Variants in SEMA3A observed in about 807,000 individuals in gnomAD.
SEMA3A encodes semaphorin 3A, also known as semaphorin-3A.
SEMA3A carries 29 observed loss-of-function variants against 97.9 expected under a neutral mutation model. That is an observed-to-expected ratio of 0.30 (90% confidence interval 0.22 to 0.40). SEMA3A has a LOEUF of 0.40. Ranked by LOEUF, SEMA3A falls within the 10% of genes least tolerant of loss-of-function variation. The probability of loss-of-function intolerance (pLI) is 1.00; values close to 1 mark genes in which losing one functional copy is unlikely to be tolerated. For synonymous variants in SEMA3A, 321 were observed against 323.7 expected, an observed-to-expected ratio of 0.99 and a Z score of 0.09; for missense variants, 763 against 951.3, an observed-to-expected ratio of 0.80 and a Z score of 2.60.
At chr7:84,218,199 T>C (rs1798793418) in intron 3 of SEMA3A, among the ~76,000 whole-genome samples, 1 of 152,122 alleles carries the variant, frequency 6.6e-6, no homozygotes, top group Non-Finnish European at 1.5e-5. Flanking sequence ...AAATTTGAAA[T>C]ATTTTTGGTA....
At chr7:84,213,629 T>A (rs1798682626) in intron 3 of SEMA3A, among the ~76,000 whole-genome samples, 1 of 152,156 alleles carries the variant, frequency 6.6e-6, no homozygotes, top group Admixed American at 6.5e-5. Context: ...CATGCAAACA[T>A]TGGCATAATA....
At chr7:84,001,768 C>A (rs2116386949) in intron 12 of SEMA3A, among the ~76,000 whole-genome samples, 187 bp downstream of exon 12, 1 of 152,020 alleles carries the variant, frequency 6.6e-6, no homozygotes. Context: ...TTCTTTACAT[C>A]TTTAGATTTA....
At chr7:84,459,050 T>C (rs1805757842) in intron 1 of SEMA3A, among the ~76,000 whole-genome samples, 1 of 152,108 alleles carries the variant, frequency 6.6e-6, no homozygotes, top group Non-Finnish European at 1.5e-5. Flanking sequence ...GGCACTAATA[T>C]CATCACCCTC....
intron 4 of SEMA3A, among the ~76,000 whole-genome samples, chr7:84,100,028 G>A (rs1482135154): frequency 1.3e-5 from 2 of 152,008 alleles, no homozygotes; most frequent in Admixed American, 1.3e-4. Context: ...TAAACTCTAT[G>A]CACACTGGGC....
intron 15 of SEMA3A, among the ~76,000 whole-genome samples, chr7:83,970,504 G>A (rs1788870614): frequency 1.3e-5 from 2 of 152,160 alleles, no homozygotes; most frequent in African/African-American, 4.8e-5. Context: ...AGATTGAAAT[G>A]TTAATAATGC....
chr7:84,061,678 C>T (rs1013936541), intron 4 of SEMA3A, among the ~76,000 whole-genome samples: 1 of 151,834 alleles, frequency 6.6e-6, no homozygotes, highest in Non-Finnish European at 1.5e-5. Flanking sequence ...TTTAATATTT[C>T]TGATGGAACT....
intron 1 of SEMA3A, among the ~76,000 whole-genome samples, chr7:84,407,933 T>C (rs191067869): frequency 0.018 from 2,770 of 152,212 alleles, 41 homozygotes; most frequent in Non-Finnish European, 0.027. Context: ...CCTAAAACCA[T>C]AAAAACCCTA....
chr7:83,998,838 C>G (rs1019953279), intron 12 of SEMA3A, among the ~76,000 whole-genome samples: 2 of 152,070 alleles, frequency 1.3e-5, no homozygotes, highest in African/African-American at 2.4e-5. Context: ...AAAACATACA[C>G]TAGCCTAGGC....
chr7:84,064,203 A>C (rs1793382105), intron 4 of SEMA3A, among the ~76,000 whole-genome samples: 1 of 152,066 alleles, frequency 6.6e-6, no homozygotes, highest in South Asian at 2.1e-4. Context: ...AAAATACTTT[A>C]CAGACAAGCA....
At chr7:84,145,239 A>G (rs1184565381) in intron 1 of SEMA3A, among the ~76,000 whole-genome samples, 1 of 152,126 alleles carries the variant, frequency 6.6e-6, no homozygotes, top group Non-Finnish European at 1.5e-5. Context: ...TATGAAGCAT[A>G]GTGCCCTGTA....
chr7:83,979,673 C>A (rs371541022), intron 14 of SEMA3A, among the ~76,000 whole-genome samples: 1 of 151,938 alleles, frequency 6.6e-6, no homozygotes, highest in Non-Finnish European at 1.5e-5. Context: ...TACCTCAATT[C>A]TGAATGTTAA....
In SEMA3A at chr7:84,108,262, G is replaced by C. The variant is rs115241144; in HGVS notation, c.453+2208C>G. On this transcript the variant is annotated intron_variant, in intron 4 of 16. Coordinates refer to ENST00000265362, the MANE Select transcript of SEMA3A (RefSeq NM_006080.3). The stretch of plus-strand genomic sequence containing the variant: ...CAGATTAAGCAGCTAGTACCAAGCT[G>C]AGGTTGAATGCAAGTCCTGCAGTCT... Among the ~76,000 whole-genome samples the C allele has an allele frequency of 5.3e-3, 811 of 151,896 alleles. 6 individuals carry two copies. Among genetic ancestry groups the C allele is most frequent in the East Asian group, 0.017 (86 of 5,126 alleles).
intron 1 of SEMA3A, among the ~76,000 whole-genome samples, chr7:84,174,308 A>T (rs1332659726): frequency 1.3e-5 from 2 of 152,014 alleles, no homozygotes; most frequent in African/African-American, 2.4e-5. Flanking sequence ...ACAAGAAAAA[A>T]CTCTGGAAAT....
At chr7:84,277,010 G>C (rs776982835) in intron 3 of SEMA3A, among the ~76,000 whole-genome samples, 2 of 152,094 alleles carry the variant, frequency 1.3e-5, no homozygotes, top group Non-Finnish European at 2.9e-5. Flanking sequence ...TCAAATTTAT[G>C]GCTTTACATG....
intron 1 of SEMA3A, among the ~76,000 whole-genome samples, chr7:84,140,495 GT>G (rs1796264733): frequency 6.6e-6 from 1 of 152,052 alleles, no homozygotes; most frequent in Non-Finnish European, 1.5e-5. Context: ...GACCCCACCA[GT>G]TGCTGGACTC....
At chr7:84,303,275 G>T (rs1801068805) in intron 3 of SEMA3A, among the ~76,000 whole-genome samples, 1 of 152,068 alleles carries the variant, frequency 6.6e-6, no homozygotes, top group Non-Finnish European at 1.5e-5. Flanking sequence ...ACTTGACCGG[G>T]TCACTAAGGT....
intron 2 of SEMA3A, among the ~76,000 whole-genome samples, chr7:84,328,357 C>A (rs974205198): frequency 2.0e-5 from 3 of 151,874 alleles, no homozygotes; most frequent in Non-Finnish European, 4.4e-5. Flanking sequence ...CCATGTCCTA[C>A]AGAAAGTTCT....
chr7:84,047,716 G>A (rs78702998), intron 5 of SEMA3A, among the ~76,000 whole-genome samples: 20,129 of 151,826 alleles, frequency 0.13, 1,628 homozygotes, highest in East Asian at 0.38. Flanking sequence ...CTTGTTGATC[G>A]AATAGGTTAA....
chr7:83,997,076 A>C (rs1405844527), intron 12 of SEMA3A, among the ~76,000 whole-genome samples: 2 of 152,288 alleles, frequency 1.3e-5, no homozygotes, highest in East Asian at 3.9e-4. Flanking sequence ...CACTGGTTTT[A>C]ATTCATGTAT....
Sources: allele counts gnomAD v4.1 joint callset (sites outside exome capture counted in the v4.1 genomes callset), GRCh38; gene constraint gnomAD v4.1.1; transcripts MANE v1.5; gene names NCBI Gene and HGNC (gene_info 2026-07-23, HGNC 2026-07-21).